LDLRAD3: variants seen among roughly 807,000 people sequenced by gnomAD.
LDLRAD3 encodes the protein low density lipoprotein receptor class A domain containing 3.
Under a neutral mutation model 29.4 loss-of-function variants are expected in LDLRAD3, and 20 were observed. The ratio of observed to expected loss-of-function variants is 0.68; its 90% CI spans 0.48 to 0.99. LDLRAD3 has a LOEUF of 0.99. LDLRAD3 is among the 50% of genes least tolerant of loss of function. LDLRAD3 has a pLI of 0.00. For synonymous variants in LDLRAD3, 157 were observed against 192.7 expected, an observed-to-expected ratio of 0.81 and a Z score of 1.53; for missense variants, 420 against 454.3, an observed-to-expected ratio of 0.92 and a Z score of 0.69.
At chr11:36,038,860 T>C (rs1852339760) in intron 2 of LDLRAD3, among the ~76,000 whole-genome samples, 1 of 152,176 alleles carries the variant, frequency 6.6e-6, no homozygotes. Flanking sequence ...GTAGCCCTTC[T>C]TTTTTTGTCT....
intron 2 of LDLRAD3, among the ~76,000 whole-genome samples, chr11:36,041,205 T>C (rs1405271012): frequency 6.6e-6 from 1 of 152,228 alleles, no homozygotes; most frequent in African/African-American, 2.4e-5. Flanking sequence ...TGAGGAGAGC[T>C]TATTAGAGCT....
chr11:36,156,334 T>TCA lies in LDLRAD3; in HGVS notation c.454+57874_454+57875dup, dbSNP rs200095978. ...GCACATACACATTGTCACTGCAAAC[T>TCA]CAAAGCCCAAGTTTGTTCGTATAGC... On this transcript the variant is annotated intron_variant, in intron 4 of 5. Transcript: ENST00000315571. Among the ~76,000 whole-genome samples the TCA allele has an allele frequency of 1.5e-3, 221 of 152,272 alleles. 6 individuals carry two copies. The East Asian group carries it at 0.04, about 28-fold the overall frequency.
intron 1 of LDLRAD3, among the ~76,000 whole-genome samples, chr11:35,963,636 C>G (rs1851305626): frequency 6.6e-6 from 1 of 152,182 alleles, no homozygotes; most frequent in South Asian, 2.1e-4. Flanking sequence ...ATTTCTGTAA[C>G]ATATATACCC....
chr11:35,974,781 A>G (rs2133150704), intron 1 of LDLRAD3, among the ~76,000 whole-genome samples: 1 of 152,344 alleles, frequency 6.6e-6, no homozygotes, highest in East Asian at 1.9e-4. Flanking sequence ...CCTTCCATTT[A>G]TGGATTAGAA....
At chr11:36,021,400 A>G (rs57144163) in intron 1 of LDLRAD3, among the ~76,000 whole-genome samples, 6,226 of 152,172 alleles carry the variant, frequency 0.041, 180 homozygotes, top group South Asian at 0.11. Flanking sequence ...TGTTAACGGG[A>G]GGCAGAGGAA....
At chr11:36,070,554 C>T (rs894941844) in intron 2 of LDLRAD3, among the ~76,000 whole-genome samples, 3 of 152,090 alleles carry the variant, frequency 2.0e-5, no homozygotes, top group African/African-American at 7.2e-5. Flanking sequence ...GGCTGTGTAG[C>T]CATGATTCTT....
At chr11:36,038,932 T>C (rs1021075095) in intron 2 of LDLRAD3, among the ~76,000 whole-genome samples, 1 of 152,020 alleles carries the variant, frequency 6.6e-6, no homozygotes, top group African/African-American at 2.4e-5. Flanking sequence ...AAAAAGTCCC[T>C]TTTCTAAAAC....
At chr11:35,964,433 GT>G (rs1851314097) in intron 1 of LDLRAD3, among the ~76,000 whole-genome samples, 1 of 152,174 alleles carries the variant, frequency 6.6e-6, no homozygotes. Flanking sequence ...GGTAGATGGG[GT>G]AGTGATGAGG....
At chr11:36,130,037 G>T (rs1233171233) in intron 4 of LDLRAD3, among the ~76,000 whole-genome samples, 1 of 152,176 alleles carries the variant, frequency 6.6e-6, no homozygotes, top group Admixed American at 6.5e-5. Context: ...CTCAGGAGGG[G>T]CTCAGTCAAT....
chr11:36,165,025 C>T (rs1391559814), intron 4 of LDLRAD3, among the ~76,000 whole-genome samples: 1 of 152,080 alleles, frequency 6.6e-6, no homozygotes, highest in African/African-American at 2.4e-5. Flanking sequence ...AAAATTTTAC[C>T]CACATTTCCT....
At chr11:36,091,291 T>C (rs928445253) in intron 3 of LDLRAD3, among the ~76,000 whole-genome samples, 1 of 152,230 alleles carries the variant, frequency 6.6e-6, no homozygotes, top group Admixed American at 6.5e-5. Context: ...AGGAGCCGAC[T>C]TCACAGACTT....
In LDLRAD3 at chr11:35,944,305, G is replaced by GC. The variant is rs1851027212; in HGVS notation, c.46+163dup. The stretch of plus-strand genomic sequence containing the variant: ...CCGGCGCCGGGCTGGCCCGGACCCT[G>GC]CCGAGGGGCCGCCGCGGGGTGCGAG... On this transcript the variant is annotated intron_variant, in intron 1 of 5. Transcript: ENST00000315571. The surrounding 1 kb of genome is among the most constrained non-coding windows in gnomAD (Gnocchi z 4.9). Among the ~76,000 whole-genome samples the GC allele has an allele frequency of 1.3e-5, 2 of 151,352 alleles. No homozygotes were observed.
intron 2 of LDLRAD3, among the ~76,000 whole-genome samples, chr11:36,069,586 G>C (rs1325625443): frequency 3.3e-5 from 5 of 151,292 alleles, no homozygotes; most frequent in Non-Finnish European, 7.4e-5. Context: ...CATCTTTACA[G>C]TGAGCTGAAT....
intron 4 of LDLRAD3, among the ~76,000 whole-genome samples, chr11:36,132,812 A>C (rs545475725): frequency 6.6e-6 from 1 of 152,312 alleles, no homozygotes; most frequent in African/African-American, 2.4e-5. Context: ...TAAGTAACGT[A>C]CTCATGCGGG....
intron 4 of LDLRAD3, among the ~76,000 whole-genome samples, chr11:36,171,176 C>T (rs1854594101): frequency 1.3e-5 from 2 of 152,072 alleles, no homozygotes; most frequent in Admixed American, 6.6e-5. Context: ...GTTTGAGTCC[C>T]TTGTAGATTC....
intron 3 of LDLRAD3, among the ~76,000 whole-genome samples, chr11:36,090,066 A>G (rs1917899): frequency 0.35 from 53,181 of 151,998 alleles, 9,949 homozygotes; most frequent in African/African-American, 0.46. Flanking sequence ...GAGAAGTTGA[A>G]TAATTTTTCC....
In LDLRAD3 at chr11:36,098,477, G is replaced by A; in HGVS notation, c.454+16G>A. The A allele has an allele frequency of 6.2e-7, 1 of 1,613,956 alleles. No individual in the cohort carries two copies. Among genetic ancestry groups the A allele is most frequent in the Non-Finnish European group, 8.5e-7 (1 of 1,179,882 alleles). ...AGTTCTCAAGGTAGGAACCTCTCAA[G>A]CTCTAAAAAGATAATTGCAACACAA... is the stretch of plus-strand genomic sequence containing the variant. On this transcript the variant is annotated intron_variant, in intron 4 of 5. Coordinates refer to ENST00000315571, the MANE Select transcript of LDLRAD3 (RefSeq NM_174902.4).
intron 4 of LDLRAD3, among the ~76,000 whole-genome samples, chr11:36,149,062 C>T (rs1854237476): frequency 6.6e-6 from 1 of 152,196 alleles, no homozygotes; most frequent in South Asian, 2.1e-4. Context: ...CACCTGGCCA[C>T]AGCGTCTGGA....
chr11:36,063,887 C>T (rs144901446), intron 2 of LDLRAD3, among the ~76,000 whole-genome samples: 1 of 152,224 alleles, frequency 6.6e-6, no homozygotes, highest in African/African-American at 2.4e-5. Context: ...ATGGTTTTGG[C>T]TATTCAGAGT....
Sources: allele counts gnomAD v4.1 joint callset (sites outside exome capture counted in the v4.1 genomes callset), GRCh38; gene constraint gnomAD v4.1.1; non-coding constraint Gnocchi (gnomAD v3.1); transcripts MANE v1.5; gene names NCBI Gene and HGNC (gene_info 2026-07-23, HGNC 2026-07-21).